The following SYNE2 variants were observed in gnomAD, a reference collection of about 807,000 sequenced individuals.
SYNE2 encodes spectrin repeat containing nuclear envelope protein 2, also known as nesprin-2.
Under a neutral mutation model 856.3 loss-of-function variants are expected in SYNE2, and 431 were observed. The observed-to-expected ratio is 0.50, with a 90% CI of 0.47 to 0.55. SYNE2 has a LOEUF of 0.55. Among genes scored for constraint, SYNE2 ranks in the 20% least tolerant of loss-of-function variants. The probability of loss-of-function intolerance (pLI) is 0.00; values close to 1 mark genes in which losing one functional copy is unlikely to be tolerated. For missense variants in SYNE2, 8,129 were observed against 8,023.2 expected (o/e 1.01, Z -0.50); for synonymous variants, 2,923 against 2,872.3 (o/e 1.02, Z -0.56).
intron 1 of SYNE2, among the ~76,000 whole-genome samples, chr14:63,899,674 G>C (rs757583138): frequency 1.1e-4 from 17 of 152,046 alleles, no homozygotes; most frequent in Admixed American, 2.6e-4. Flanking sequence ...GCTAATTTTT[G>C]TATTTTTTGT....
At chr14:64,190,940 C>T (rs1309900852) in intron 99 of SYNE2, 11 of 701,664 alleles carry the variant, frequency 1.6e-5, no homozygotes, top group Non-Finnish European at 2.9e-5. Flanking sequence ...GATGTTTTTT[C>T]AGTGGCCACG....
chr14:64,065,527 C>T lies in SYNE2; in HGVS notation c.10308C>T (p.Gly3436=), dbSNP rs1408955404. 4.3e-6 allele frequency: 7 copies of T among 1,613,854 alleles called. No homozygotes were observed. The highest frequency in any genetic ancestry group is 5.9e-6 in the Non-Finnish European group (7 of 1,180,000). Reference sequence around the variant, plus strand: ...GACTCAGGTGCACAGAAAATGATGGCATATGTTTGCTCAAGATTGTGTCGG... The same window carrying T: ...GACTCAGGTGCACAGAAAATGATGGTATATGTTTGCTCAAGATTGTGTCGG... The part of the protein sequence containing the change: ...LLRLRCTEND[G]ICLLKIVSAL... The change falls in exon 51 of 116, where the codon GGC becomes GGT. Residue 3436 remains glycine (G), a synonymous_variant. Transcript: ENST00000555002.
At chr14:63,908,268 A>G (rs1054563027) in intron 1 of SYNE2, among the ~76,000 whole-genome samples, 1 of 152,192 alleles carries the variant, frequency 6.6e-6, no homozygotes, top group Non-Finnish European at 1.5e-5. Context: ...ATATTTTGCA[A>G]TGCTTGCTTG....
intron 53 of SYNE2, 102 bp downstream of exon 53, chr14:64,074,238 C>A (rs113820617): frequency 8.2e-7 from 1 of 1,213,080 alleles, no homozygotes; most frequent in Non-Finnish European, 1.2e-6. Context: ...TTTGGGGGAG[C>A]GGTCTGGGGA....
intron 45 of SYNE2, among the ~76,000 whole-genome samples, chr14:64,031,900 A>G (rs1392845913): frequency 1.3e-5 from 2 of 152,218 alleles, no homozygotes; most frequent in Admixed American, 6.5e-5. Flanking sequence ...GAACAATCAC[A>G]TGAGTACATT....
In SYNE2 at chr14:63,905,292, G is replaced by C. The variant is rs189476543; in HGVS notation, c.-51-3806G>C. Among the ~76,000 whole-genome samples the C allele has an allele frequency of 2.6e-5, 4 of 152,132 alleles. No individual in the cohort carries two copies. The South Asian group carries it at 8.3e-4, about 32-fold the overall frequency. ...TCTTAGGATTGCTTTGACTATTTGG[G>C]CTCTTTTTTGGTTTTATATGAATTT... On this transcript the variant is annotated intron_variant, in intron 1 of 115. Transcript: ENST00000555002.
chr14:63,950,129 G>C, intron 7 of SYNE2, 123 bp downstream of exon 7: 5 of 1,131,850 alleles, frequency 4.4e-6, no homozygotes, highest in Non-Finnish European at 6.6e-6. Flanking sequence ...TCCTCTCTGT[G>C]CTTCTTCCAT....
intron 2 of SYNE2, 87 bp downstream of exon 2, chr14:63,909,314 C>A: frequency 1.2e-6 from 1 of 830,346 alleles, no homozygotes; most frequent in Non-Finnish European, 2.0e-6. Flanking sequence ...ATTTTCGTCT[C>A]TCTTATGGAG....
intron 1 of SYNE2, among the ~76,000 whole-genome samples, chr14:63,843,404 A>G (rs1480399406): frequency 6.6e-6 from 1 of 152,212 alleles, no homozygotes; most frequent in Non-Finnish European, 1.5e-5. Context: ...AAGATGAATT[A>G]TCTTGGGTTT....
At chr14:63,879,213 G>A (rs2094800626) in intron 1 of SYNE2, among the ~76,000 whole-genome samples, 2 of 152,194 alleles carry the variant, frequency 1.3e-5, no homozygotes, top group Admixed American at 1.3e-4. Flanking sequence ...GCATTGAAAA[G>A]TCTCCTTTTG....
intron 35 of SYNE2, 120 bp from the exon 36 acceptor site, chr14:64,021,195 T>G: frequency 1.2e-6 from 1 of 808,166 alleles, no homozygotes; most frequent in Non-Finnish European, 2.1e-6. Context: ...CGTAGAGCAA[T>G]GAAAAGAATG....
At chr14:64,015,593 T>C (rs1198734560) in intron 32 of SYNE2, among the ~76,000 whole-genome samples, 1 of 152,084 alleles carries the variant, frequency 6.6e-6, no homozygotes, top group Non-Finnish European at 1.5e-5. Context: ...TGTCCGTCTT[T>C]CTAGAAGTTT....
At chr14:63,918,229 A>G (rs985666027) in intron 2 of SYNE2, among the ~76,000 whole-genome samples, 4 of 152,218 alleles carry the variant, frequency 2.6e-5, no homozygotes, top group Admixed American at 1.3e-4. Flanking sequence ...TAGTATGTTA[A>G]ATTGTAACCA....
chr14:64,060,029 C>T (rs569310901), intron 49 of SYNE2, among the ~76,000 whole-genome samples: 1 of 152,242 alleles, frequency 6.6e-6, no homozygotes, highest in East Asian at 1.9e-4. Flanking sequence ...TGCTGCCAGG[C>T]CTGAGACTCA....
In SYNE2 at chr14:63,979,032, G is replaced by T. The variant is rs368530554; in HGVS notation, c.1569+18G>T. The T allele has an allele frequency of 2.1e-5, 34 of 1,612,422 alleles. No homozygotes were observed. The highest frequency in any genetic ancestry group is 1.6e-4 in the African/African-American group (12 of 74,878). ...ACTGGCATGTAAGCTTTTCAATTTT[G>T]TGTCTTAGGCAACTCCTCCATCTCT... On this transcript the variant is annotated intron_variant, in intron 14 of 115. Transcript: ENST00000555002.
chr14:63,959,540 C>A (rs912695696), intron 8 of SYNE2, among the ~76,000 whole-genome samples: 2 of 151,848 alleles, frequency 1.3e-5, no homozygotes, highest in African/African-American at 4.8e-5. Flanking sequence ...TCAGGTGATT[C>A]GCCGCCTTGA....
chr14:63,834,393 C>T (rs148202809), intron 1 of SYNE2, among the ~76,000 whole-genome samples: 2,899 of 152,070 alleles, frequency 0.019, 40 homozygotes, highest in Admixed American at 0.032. Context: ...AAAGAAAATT[C>T]ATCCTTGGGT....
In SYNE2 at chr14:64,027,771, A is replaced by G. The variant is rs372160469; in HGVS notation, c.6692A>G (p.Glu2231Gly). The change falls in exon 43 of 116, where the codon GAA (glutamate) becomes GGA (glycine). Residue 2231 changes from glutamate (E) to glycine (G), a missense_variant. This residue lies in a region of SYNE2 where 297 missense variants were observed against 380.9 expected (regional missense o/e 0.78). Coordinates refer to ENST00000555002, the MANE Select transcript of SYNE2 (RefSeq NM_182914.3). ...EPWLEIKHLH[E>G]SLLQQLQDSV... ...TGGCTGGAAATAAAGCATCTACACG[A>G]AAGTCTTCTTCAACAACTGCAGGTG... 9.9e-6 allele frequency: 16 copies of G among 1,614,068 alleles called. No homozygotes were observed. Among genetic ancestry groups the G allele is most frequent in the African/African-American group, 1.3e-5 (1 of 74,944 alleles).
chr14:64,002,748 T>C lies in SYNE2; in HGVS notation c.3815T>C (p.Ile1272Thr). The C allele has an allele frequency of 1.2e-6, 2 of 1,613,222 alleles. No individual in the cohort carries two copies. The highest frequency in any genetic ancestry group is 1.7e-6 in the Non-Finnish European group (2 of 1,179,924). ...RNIQDSIAKQIEICNRLEEPG... is the reference protein window; with the variant it reads ...RNIQDSIAKQTEICNRLEEPG... ...ATCCAAGATTCCATAGCAAAACAGA[T>C]TGAAATATGTAACCGCTTAGAAGAG... Residue 1272 changes from isoleucine to threonine, a missense_variant, in exon 30 of 116, where the codon ATT (isoleucine) becomes ACT (threonine). By Grantham distance (89) the Ile-to-Thr change is moderately conservative. Coordinates refer to ENST00000555002, the MANE Select transcript of SYNE2 (RefSeq NM_182914.3).
Sources: gnomAD v4.1 joint callset for allele counts (sites outside exome capture counted in the v4.1 genomes callset) on GRCh38, gnomAD v4.1.1 for gene constraint, gnomAD v4.1.1 regional missense constraint, MANE v1.5 for transcripts, NCBI Gene and HGNC (gene_info 2026-07-23, HGNC 2026-07-21) for gene names.